The following KLHL13 variants were observed in gnomAD, a reference collection of about 807,000 sequenced individuals.
KLHL13 encodes kelch like family member 13, also known as kelch-like protein 13.
In KLHL13, 10 loss-of-function variants were observed where a neutral mutation model predicts 37.1. The ratio of observed to expected loss-of-function variants is 0.27; its 90% CI spans 0.17 to 0.46. The LOEUF (loss-of-function observed/expected upper bound fraction) is 0.46, where lower values mean the gene tolerates loss of function less well. Ranked by LOEUF, KLHL13 falls within the 20% of genes least tolerant of loss-of-function variation. KLHL13 has a pLI of 1.00. For missense variants in KLHL13, 360 were observed against 509.3 expected, an observed-to-expected ratio of 0.71 and a Z score of 2.82; for synonymous variants, 163 against 181.2, an observed-to-expected ratio of 0.90 and a Z score of 0.81.
chrX:118,089,236 G>A (rs2055089144), intron 1 of KLHL13, among the ~76,000 whole-genome samples: 1 of 110,679 alleles, frequency 9.0e-6, no homozygotes, highest in African/African-American at 3.3e-5. Flanking sequence ...AGGCCCAGTG[G>A]AGAGCCAGGA....
At chrX:117,991,137 T>TAAAAAAAAAAAAAAAAAAAAAAAAAAAAA (rs750755409) in intron 1 of KLHL13, among the ~76,000 whole-genome samples, 1 of 83,881 alleles carries the variant, frequency 1.2e-5, no homozygotes, top group Admixed American at 1.2e-4. Context: ...CATTAAAAAG[T>TAAAAAAAAAAAAAAAAAAAAAAAAAAAAA]AAAAAAAAAA....
chrX:118,104,945 T>G (rs950244472), intron 1 of KLHL13, among the ~76,000 whole-genome samples: 2 of 112,419 alleles, frequency 1.8e-5, no homozygotes, highest in Admixed American at 1.9e-4. Context: ...CGACACAGGA[T>G]TGTGAAGTCA....
At chrX:117,962,327 T>C (rs1438916460) in intron 1 of KLHL13, among the ~76,000 whole-genome samples, 1 of 108,424 alleles carries the variant, frequency 9.2e-6, no homozygotes, top group Non-Finnish European at 1.9e-5. Context: ...TTTTTTTTCA[T>C]TGAGTATTTG....
chrX:117,940,740 T>TG (rs1241321020), intron 2 of KLHL13, among the ~76,000 whole-genome samples: 1 of 111,603 alleles, frequency 9.0e-6, no homozygotes, highest in Non-Finnish European at 1.9e-5. Flanking sequence ...TTTGGATCTC[T>TG]GTTTGTCTAT....
At position 118,003,006 on chromosome X, in the gene KLHL13, G is replaced by A. The variant is rs145168178; in HGVS notation, c.-55-57431C>T. 3.4e-3 allele frequency among the ~76,000 whole-genome samples: 386 copies of A among 112,167 alleles called. 1 individual carries two copies. Among genetic ancestry groups the A allele is most frequent in the African/African-American group, 0.012 (366 of 30,864 alleles). The stretch of plus-strand genomic sequence containing the variant: ...AATACAAAAGAATGTGGCACACTTG[G>A]CGAAGGGAAAATAATGTGGTACAGT... On this transcript the variant is annotated intron_variant, in intron 1 of 6. Coordinates refer to the KLHL13 transcript ENST00000371882.
intron 4 of KLHL13, among the ~76,000 whole-genome samples, chrX:117,913,518 A>T (rs2147659919): frequency 8.9e-6 from 1 of 112,702 alleles, no homozygotes; most frequent in East Asian, 2.8e-4. Flanking sequence ...GAGTTATAAC[A>T]GAAGTTAATC....
At chrX:118,067,289 G>A (rs1052161556) in intron 1 of KLHL13, among the ~76,000 whole-genome samples, 1 of 111,590 alleles carries the variant, frequency 9.0e-6, no homozygotes, top group East Asian at 2.8e-4. Flanking sequence ...TGGTACACCT[G>A]TATAGGGCAC....
intron 4 of KLHL13, among the ~76,000 whole-genome samples, chrX:117,911,627 C>T (rs1930993129): frequency 9.0e-6 from 1 of 111,584 alleles, no homozygotes; most frequent in Non-Finnish European, 1.9e-5. Context: ...TCAACTCCCA[C>T]TTATGAGTGA....
intron 1 of KLHL13, among the ~76,000 whole-genome samples, chrX:118,094,362 C>A (rs1288149203): frequency 9.0e-6 from 1 of 111,092 alleles, no homozygotes; most frequent in Non-Finnish European, 1.9e-5. Context: ...AAGAAATGAA[C>A]AAAGCCTTCA....
At chrX:118,091,107 A>C (rs1318244497) in intron 1 of KLHL13, among the ~76,000 whole-genome samples, 1 of 81,543 alleles carries the variant, frequency 1.2e-5, no homozygotes, top group African/African-American at 4.8e-5. Context: ...GAAGGGGAAC[A>C]TCACACTATG....
chrX:118,053,147 C>A (rs1454532310), intron 1 of KLHL13, among the ~76,000 whole-genome samples: 2 of 111,710 alleles, frequency 1.8e-5, no homozygotes, highest in African/African-American at 6.5e-5. Flanking sequence ...TGGGTATATA[C>A]CCAAAGGATT....
chrX:117,901,741 A>AATT, intron 6 of KLHL13, 92 bp downstream of exon 7: 1 of 423,654 alleles, frequency 2.4e-6, no homozygotes, highest in Non-Finnish European at 4.1e-6. Context: ...CTGACGCCTG[A>AATT]ATTATTATTA....
chrX:117,982,845 T>C (rs12396567), intron 1 of KLHL13, among the ~76,000 whole-genome samples: 6,860 of 111,305 alleles, frequency 0.062, 528 homozygotes, highest in African/African-American at 0.21. Context: ...CCTTAGCATA[T>C]GAACACTGGC....
intron 1 of KLHL13, among the ~76,000 whole-genome samples, chrX:118,002,447 G>C (rs764773143): frequency 9.2e-6 from 1 of 108,964 alleles, no homozygotes; most frequent in Non-Finnish European, 1.9e-5. Flanking sequence ...TACAAAATTA[G>C]CCGGGCGTGG....
rs750855597 is a variant in KLHL13 at position 117,972,299 on chromosome X, ACT to A, written c.98+430_98+431del. The stretch of plus-strand genomic sequence containing the variant: ...AAGACTCATTTTCTGATCAATGTTA[ACT>A]CTGTTTTTAATTCATGAAAAAATAG... On this transcript the variant is annotated intron_variant, in intron 1 of 6. Transcript: ENST00000262820. 1.4e-4 allele frequency among the ~76,000 whole-genome samples: 16 copies of A among 111,956 alleles called. No homozygotes were observed. In the South Asian group the frequency reaches 4.5e-3, roughly 31 times the overall value.
At chrX:117,951,584 G>C (rs1236221193) in intron 1 of KLHL13, among the ~76,000 whole-genome samples, 1 of 111,276 alleles carries the variant, frequency 9.0e-6, no homozygotes, top group Non-Finnish European at 1.9e-5. Flanking sequence ...GAACTCTTTA[G>C]TTACAGATGA....
intron 1 of KLHL13, among the ~76,000 whole-genome samples, chrX:118,006,899 A>ACTATACTC (rs1176028489): frequency 9.0e-6 from 1 of 111,713 alleles, no homozygotes; most frequent in Non-Finnish European, 1.9e-5. Flanking sequence ...ATAGTAGTAT[A>ACTATACTC]CTTGAAAGCT....
chrX:117,926,264 T>C (rs2147722350), intron 2 of KLHL13, among the ~76,000 whole-genome samples: 1 of 111,637 alleles, frequency 9.0e-6, no homozygotes, highest in East Asian at 2.8e-4. Flanking sequence ...CCTATGGATT[T>C]CAGACAGAGG....
In KLHL13 at chrX:117,905,336, T is replaced by C. The variant is rs1930430722; in HGVS notation, c.1367-3390A>G. Among the ~76,000 whole-genome samples the C allele has an allele frequency of 2.7e-5, 3 of 112,223 alleles. No individual in the cohort carries two copies. In the South Asian group the frequency reaches 1.1e-3, roughly 42 times the overall value. On this transcript the variant is annotated intron_variant, in intron 5 of 6. Coordinates refer to ENST00000262820, the Ensembl canonical transcript of KLHL13. ...GCCTCAATAGAAGATTGATTTCTTA[T>C]ATGACACAATTTTGAAAGATGCCAG...
Sources: gnomAD v4.1 joint callset for allele counts (sites outside exome capture counted in the v4.1 genomes callset) on GRCh38, gnomAD v4.1.1 for gene constraint, MANE v1.5 for transcripts, NCBI Gene and HGNC (gene_info 2026-07-23, HGNC 2026-07-21) for gene names.